ATAD3C: variants seen among roughly 807,000 people sequenced by gnomAD.
The protein encoded by ATAD3C is ATPase family AAA domain-containing protein 3C.
Under a neutral mutation model 46.3 loss-of-function variants are expected in ATAD3C, and 38 were observed. The ratio of observed to expected loss-of-function variants is 0.82; its 90% confidence interval spans 0.63 to 1.08. The LOEUF is 1.08. Among genes scored for constraint, ATAD3C ranks in the 50% least tolerant of loss-of-function variants. The pLI is 0.00. For missense variants in ATAD3C, 563 were observed against 572.7 expected (o/e 0.98, Z 0.17); for synonymous variants, 220 against 236.4 (o/e 0.93, Z 0.63).
rs1159976058 is a variant in ATAD3C at position 1,463,733 on chromosome 1, A to C, written c.1089+1025A>C. Among the ~76,000 whole-genome samples the C allele has an allele frequency of 2.0e-5, 3 of 151,868 alleles. 1 individual carries two copies. Among genetic ancestry groups the C allele is most frequent in the Non-Finnish European group, 4.4e-5 (3 of 67,928 alleles). ...CAGGACCAGCCTGGAAAGCAAGTCA[A>C]GAACCCATCTCTACAAAAAATAAAA... is the stretch of plus-strand genomic sequence containing the variant. On this transcript the variant is annotated intron_variant, in intron 11 of 11. Transcript: ENST00000378785.
intron 4 of ATAD3C, 64 bp from the exon 5 acceptor site, chr1:1,455,396 G>A: frequency 1.3e-6 from 2 of 1,590,178 alleles, no homozygotes; most frequent in Non-Finnish European, 1.7e-6. Context: ...GAGCTTGTGT[G>A]TGCGTTGGTG....
At position 1,454,359 on chromosome 1, in the gene ATAD3C, G is replaced by A. The variant is rs569191739; in HGVS notation, c.237G>A (p.Thr79=). 2.6e-4 allele frequency: 408 copies of A among 1,598,526 alleles called. 3 individuals are homozygous for A. The African/African-American group carries it at 3.5e-3, about 14-fold the overall frequency. ...CTCTGCTGCAGGTGGCTGGGCTGAC[G>A]CTGCTGGCTGTCGGGGTCTACTCAG... The part of the protein sequence containing the change: ...DKVTATVAGL[T]LLAVGVYSAK... Residue 79 remains threonine (T), a synonymous_variant, in exon 4 of 12, where the codon ACG becomes ACA. Coordinates refer to ENST00000378785, the MANE Select transcript of ATAD3C (RefSeq NM_001039211.3).
chr1:1,453,987 GT>G (rs1001654808), intron 3 of ATAD3C, among the ~76,000 whole-genome samples: 2 of 151,990 alleles, frequency 1.3e-5, no homozygotes, highest in Non-Finnish European at 2.9e-5. Flanking sequence ...GGTTAGTCTT[GT>G]TTTCCAGGAA....
intron 11 of ATAD3C, among the ~76,000 whole-genome samples, chr1:1,467,343 G>A (rs984224944): frequency 1.3e-5 from 2 of 152,024 alleles, no homozygotes; most frequent in African/African-American, 4.8e-5. Flanking sequence ...AAATGATGTT[G>A]AGCAGTCCTG....
At chr1:1,461,918 G>A (rs199773204) in intron 10 of ATAD3C, among the ~76,000 whole-genome samples, 2 of 152,058 alleles carry the variant, frequency 1.3e-5, no homozygotes, top group South Asian at 4.2e-4. Flanking sequence ...TGTTGCTGGC[G>A]GTGGGTGCAG....
At chr1:1,463,867 G>A (rs1639106737) in intron 11 of ATAD3C, among the ~76,000 whole-genome samples, 1 of 151,870 alleles carries the variant, frequency 6.6e-6, no homozygotes, top group Non-Finnish European at 1.5e-5. Flanking sequence ...AGCTGTGATT[G>A]TGCCACTGCA....
intron 11 of ATAD3C, among the ~76,000 whole-genome samples, chr1:1,467,801 C>T (rs1452642468): frequency 6.6e-6 from 1 of 152,172 alleles, no homozygotes; most frequent in Non-Finnish European, 1.5e-5. Flanking sequence ...AGTGACCTGT[C>T]CATGGCAGAA....
Position 1,457,603 on chromosome 1 carries a change from A to G in ATAD3C, c.741+423A>G, listed in dbSNP as rs1366292432. Among the ~76,000 whole-genome samples the G allele has an allele frequency of 5.7e-4, 86 of 150,216 alleles. 1 individual carries two copies. The highest frequency in any genetic ancestry group is 2.0e-3 in the African/African-American group (80 of 40,610). ...ACAGCGAGACTTCATCTCAAAAAAA[A>G]AAAAAAAAAAACAAAAAAAACAGCA... On this transcript the variant is annotated intron_variant, in intron 8 of 11. Coordinates refer to ENST00000378785, the MANE Select transcript of ATAD3C (RefSeq NM_001039211.3).
intron 1 of ATAD3C, 49 bp downstream of exon 1, chr1:1,450,807 G>C: frequency 6.2e-7 from 1 of 1,607,404 alleles, no homozygotes; most frequent in Non-Finnish European, 8.5e-7. Context: ...CATGGGGTTC[G>C]GGCGTGGAGA....
In ATAD3C at chr1:1,464,458, A is replaced by T. The variant is rs138754223; in HGVS notation, c.1089+1750A>T. Among the ~76,000 whole-genome samples the T allele has an allele frequency of 8.6e-4, 131 of 151,908 alleles. 2 individuals carry two copies. Among genetic ancestry groups the T allele is most frequent in the African/African-American group, 3.0e-3 (125 of 41,456 alleles). Reference sequence around the variant, plus strand: ...TGGTGAGCCAACACGCCCAGCACCAACTTTGTCCTTCAAGAGTTTTTTTCT... The same window carrying T: ...TGGTGAGCCAACACGCCCAGCACCATCTTTGTCCTTCAAGAGTTTTTTTCT... On this transcript the variant is annotated intron_variant, in intron 11 of 11. Transcript: ENST00000378785.
chr1:1,460,787 T>G lies in ATAD3C; in HGVS notation c.850T>G (p.Phe284Val). Reference protein sequence around the residue: ...LILASCHPEQFDWAINACIDV... With the variant: ...LILASCHPEQVDWAINACIDV... ...CCTGGCCAGCTGCCACCCCGAGCAG[T>G]TCGACTGGGCCATCAATGCCTGCAT... The change falls in exon 10 of 12, where the codon TTC (phenylalanine) becomes GTC (valine). Residue 284 changes from phenylalanine to valine, a missense_variant. Phe to Val is a conservative substitution (Grantham distance 50). Around this residue, in one of 3 missense-constraint regions of ATAD3C, gnomAD observed 273 missense variants for 253.5 expected, o/e 1.08. Transcript: ENST00000378785. The G allele has an allele frequency of 6.2e-7, 1 of 1,612,130 alleles. No homozygotes were observed. The highest frequency in any genetic ancestry group is 2.2e-5 in the East Asian group (1 of 44,826).
At position 1,462,208 on chromosome 1, in the gene ATAD3C, C is replaced by T. The variant is rs1639080083; in HGVS notation, c.981-392C>T. ...TTCCGGGTCTCAGTTTCCCTATGCC[C>T]TCCCCTTCCCTGGGCTCCCCGACAC... On this transcript the variant is annotated intron_variant, in intron 10 of 11. Coordinates refer to ENST00000378785, the MANE Select transcript of ATAD3C (RefSeq NM_001039211.3). The surrounding 1 kb of genome is among the most constrained non-coding windows in gnomAD (Gnocchi z 4.5). Among the ~76,000 whole-genome samples the T allele has an allele frequency of 1.3e-5, 2 of 152,070 alleles. No homozygotes were observed. The highest frequency in any genetic ancestry group is 1.5e-5 in the Non-Finnish European group (1 of 67,988).
chr1:1,464,754 C>A (rs542805788), intron 11 of ATAD3C, among the ~76,000 whole-genome samples: 1 of 151,880 alleles, frequency 6.6e-6, no homozygotes, highest in Non-Finnish European at 1.5e-5. Context: ...CTGGGCTATT[C>A]AGGATCCCTT....
chr1:1,452,658 C>G (rs1415010925), intron 3 of ATAD3C, among the ~76,000 whole-genome samples: 1 of 151,796 alleles, frequency 6.6e-6, no homozygotes, highest in Non-Finnish European at 1.5e-5. Context: ...GATGCCATCT[C>G]TACACATGGC....
chr1:1,462,517 G>C lies in ATAD3C; in HGVS notation c.981-83G>C. The C allele has an allele frequency of 2.2e-6, 3 of 1,374,324 alleles. No individual in the cohort carries two copies. The highest frequency in any genetic ancestry group is 3.0e-6 in the Non-Finnish European group (3 of 990,126). The allele number at this position is 1,374,324 out of a possible 1,614,324, so 85.1% of individuals were successfully genotyped here. A position where few individuals can be genotyped will look rare whatever the true frequency, so the allele number is the denominator to read the frequency against. Reference sequence around the variant, plus strand: ...AAGGGGGCATCTGGCATGGGTGTCCGCCTGGCTGCCTGTCTTCCGGCCTCC... The same window carrying C: ...AAGGGGGCATCTGGCATGGGTGTCCCCCTGGCTGCCTGTCTTCCGGCCTCC... On this transcript the variant is annotated intron_variant, in intron 10 of 11. Coordinates refer to ENST00000378785, the MANE Select transcript of ATAD3C (RefSeq NM_001039211.3). The surrounding 1 kb of genome is among the most constrained non-coding windows in gnomAD (Gnocchi z 4.5).
At position 1,468,820 on chromosome 1, in the gene ATAD3C, G is replaced by A; in HGVS notation, c.*290G>A. On this transcript the variant is annotated 3_prime_UTR_variant, in exon 12 of 12. Transcript: ENST00000378785. ...GGGCCGGGTGCCCGTGCCCCATCCTGAGGCCGTGCATACGCGGGTGCCCCT... is the reference window on the plus strand; with the variant it reads ...GGGCCGGGTGCCCGTGCCCCATCCTAAGGCCGTGCATACGCGGGTGCCCCT... 1 of 457,424 alleles carries A rather than the reference G, an allele frequency of 2.2e-6. No homozygotes were observed. Among genetic ancestry groups the A allele is most frequent in the Non-Finnish European group, 3.9e-6 (1 of 255,302 alleles). The allele number at this position is 457,424 out of a possible 1,614,324, so 28.3% of individuals were successfully genotyped here. A position where few individuals can be genotyped will look rare whatever the true frequency, so the allele number is the denominator to read the frequency against.
rs891952534 is a variant in ATAD3C, at chr1:1,455,487, C to T, written c.406C>T (p.Pro136Ser). The change falls in exon 5 of 12, where the codon CCC becomes TCC. Residue 136 changes from proline to serine, a missense_variant. Physicochemically the swap from Pro to Ser is moderately conservative, Grantham distance 74. Transcript: ENST00000378785. ...GGTCAGCCGGCGGCTCCTCAGTCGA[C>T]CCCAGGACGTGCTGGAGGGTGTTGT... ...QQVSRRLLSR[P>S]QDVLEGVVLS... 6.2e-7 allele frequency: 1 copy of T among 1,612,628 alleles called. No homozygotes were observed. Among genetic ancestry groups the T allele is most frequent in the Admixed American group, 1.7e-5 (1 of 59,940 alleles).
At position 1,450,555 on chromosome 1, in the gene ATAD3C, C is replaced by A. The variant is rs1638836715; in HGVS notation, c.-129C>A. 3 of 1,192,552 alleles carry A rather than the reference C, an allele frequency of 2.5e-6. No homozygotes were observed. Among genetic ancestry groups the A allele is most frequent in the Admixed American group, 4.1e-5 (2 of 48,334 alleles). The allele number at this position is 1,192,552 out of a possible 1,614,324, so 73.9% of individuals were successfully genotyped here. On this transcript the variant is annotated 5_prime_UTR_variant, in exon 1 of 12. Transcript: ENST00000378785. Reference sequence around the variant, plus strand: ...CTGACTAGGAAGGAGGATGGGGAGGCAGGGCTGGGGGCTTTGAGGTCGAGG... The same window carrying A: ...CTGACTAGGAAGGAGGATGGGGAGGAAGGGCTGGGGGCTTTGAGGTCGAGG...
intron 11 of ATAD3C, among the ~76,000 whole-genome samples, chr1:1,467,401 G>A (rs1469401000): frequency 1.2e-4 from 18 of 151,946 alleles, no homozygotes; most frequent in East Asian, 1.2e-3. Context: ...TGTCTCCTGC[G>A]CTCCCGGGCC....
Sources: gnomAD v4.1 joint callset for allele counts (sites outside exome capture counted in the v4.1 genomes callset) on GRCh38, gnomAD v4.1.1 for gene constraint, gnomAD v4.1.1 regional missense constraint, Gnocchi (gnomAD v3.1) non-coding constraint, MANE v1.5 for transcripts, NCBI Gene and HGNC (gene_info 2026-07-23, HGNC 2026-07-21) for gene names.